Variants in FLOT1 observed in about 807,000 individuals in gnomAD.
The protein encoded by FLOT1 is flotillin 1.
Under a neutral mutation model 58.4 loss-of-function variants are expected in FLOT1, and 40 were observed. The observed-to-expected ratio is 0.69, with a 90% CI of 0.53 to 0.89. FLOT1 has a LOEUF of 0.89. Among genes scored for constraint, FLOT1 ranks in the 40% least tolerant of loss-of-function variants. The pLI, the probability that FLOT1 is intolerant of heterozygous loss-of-function variation, is 0.00. For missense variants in FLOT1, 423 were observed against 540.8 expected (o/e 0.78, Z 2.16); for synonymous variants, 178 against 204.2 (o/e 0.87, Z 1.09).
chr6:30,738,626 T>C (rs796945736), intron 8 of FLOT1, among the ~76,000 whole-genome samples: 5 of 152,320 alleles, frequency 3.3e-5, no homozygotes, highest in African/African-American at 1.2e-4. Flanking sequence ...AGACACCTTA[T>C]GTAAAATATA....
rs1018946071 is a variant in FLOT1 at position 30,741,036 on chromosome 6, C to A, written c.354+154G>T. ...TCCTGACCTCAAGTGATCTGCCCACCTTGGCATCCCAAAGTGCTGGGATTA... is the reference window on the plus strand; with the variant it reads ...TCCTGACCTCAAGTGATCTGCCCACATTGGCATCCCAAAGTGCTGGGATTA... On this transcript the variant is annotated intron_variant, in intron 5 of 12. Coordinates refer to ENST00000376389, the MANE Select transcript of FLOT1 (RefSeq NM_005803.4). The surrounding 1 kb of genome is among the most constrained non-coding windows in gnomAD (Gnocchi z 5.9). Among the ~76,000 whole-genome samples, 1 of 152,166 alleles carries A rather than the reference C, an allele frequency of 6.6e-6. No homozygotes were observed. Among genetic ancestry groups the A allele is most frequent in the Admixed American group, 6.5e-5 (1 of 15,274 alleles).
In FLOT1 at chr6:30,731,016, G is replaced by C. The variant is rs1008277684; in HGVS notation, c.808C>G (p.Gln270Glu). ...TCCTTCTCCCGCCGGGCGATCTCCT[G>C]CTCCTGCACTGCCACCTGCTGGGCC... ...ERAQQVAVQE[Q>E]EIARREKELE... Residue 270 changes from glutamine (Q) to glutamate (E), a missense_variant, in exon 9 of 13, where the codon CAG becomes GAG. Gln to Glu is a conservative substitution (Grantham distance 29). Coordinates refer to ENST00000376389, the MANE Select transcript of FLOT1 (RefSeq NM_005803.4). The C allele has an allele frequency of 2.5e-6, 4 of 1,613,144 alleles. No individual in the cohort carries two copies. In the Admixed American group the frequency reaches 6.7e-5, roughly 27 times the overall value.
In FLOT1 at chr6:30,730,122, C is replaced by A. The variant is rs1458942508; in HGVS notation, c.1154G>T (p.Ser385Ile). 5.0e-6 allele frequency: 8 copies of A among 1,613,000 alleles called. No individual in the cohort carries two copies. The highest frequency in any genetic ancestry group is 6.8e-6 in the Non-Finnish European group (8 of 1,180,040). ...CACTTTGGCTGCCCCCATGGTCCCACTGCCGCTGGACACCAGTGTGATCTT... is the reference window on the plus strand; with the variant it reads ...CACTTTGGCTGCCCCCATGGTCCCAATGCCGCTGGACACCAGTGTGATCTT... ...ANKITLVSSG[S>I]GTMGAAKVTG... Residue 385 changes from serine (S) to isoleucine (I), a missense_variant, in exon 12 of 13, where the codon AGT becomes ATT. This residue lies in a region of FLOT1 where 42 missense variants were observed against 74.4 expected (regional missense o/e 0.56). Transcript: ENST00000376389.
chr6:30,729,429 A>G (rs1361299125), intron 12 of FLOT1, among the ~76,000 whole-genome samples: 3 of 152,160 alleles, frequency 2.0e-5, no homozygotes, highest in African/African-American at 7.2e-5. Flanking sequence ...GCACTATTCT[A>G]AACACTGCAA....
intron 8 of FLOT1, among the ~76,000 whole-genome samples, chr6:30,732,911 C>A (rs1050026164): frequency 4.6e-5 from 7 of 152,162 alleles, no homozygotes; most frequent in Non-Finnish European, 7.3e-5. Context: ...CTTAGGCAAC[C>A]ATTTGTCTGT....
In FLOT1 at chr6:30,742,225, C is replaced by G. The variant is rs1333444463; in HGVS notation, c.-14-22G>C. 1.2e-6 allele frequency: 2 copies of G among 1,610,916 alleles called. No homozygotes were observed. Among genetic ancestry groups the G allele is most frequent in the East Asian group, 4.5e-5 (2 of 44,886 alleles). On this transcript the variant is annotated intron_variant, in intron 1 of 12. Coordinates refer to ENST00000376389, the MANE Select transcript of FLOT1 (RefSeq NM_005803.4). This position sits in a 1 kb window ranked among gnomAD's most constrained non-coding sequence, Gnocchi z 5.2. ...GGAGCTGGAGGAGAGGGAGGGAAAG[C>G]CTTTGCGGATGGGGAAGGCGCGCTG...
Position 30,740,538 on chromosome 6 carries a change from T to G in FLOT1, c.528A>C (p.Ala176=), listed in dbSNP as rs1309810022. The G allele has an allele frequency of 6.2e-7, 1 of 1,613,046 alleles. No homozygotes were observed. Among genetic ancestry groups the G allele is most frequent in the East Asian group, 2.2e-5 (1 of 44,878 alleles). The part of the protein sequence containing the change: ...KARTAQVQKD[A]RIGEAEAKRD... ...TCTTGGCCTCTGCTTCTCCAATCCG[T>G]GCATCTTTTTGGACTTGAGCTGTTC... The change falls in exon 7 of 13, where the codon GCA becomes GCC. Residue 176 remains alanine (A), a synonymous_variant. Transcript: ENST00000376389.
rs1185722290 is a variant in FLOT1, at chr6:30,727,953, C to G, written c.*163G>C. On this transcript the variant is annotated 3_prime_UTR_variant, in exon 13 of 13. Transcript: ENST00000376389. The stretch of plus-strand genomic sequence containing the variant: ...AGCAGTGTGAGGTTGGCAAGGGGAG[C>G]AACCCCCTTCAAGACAAGGCACAAA... 1 of 707,844 alleles carries G rather than the reference C, an allele frequency of 1.4e-6. No individual in the cohort carries two copies. Among genetic ancestry groups the G allele is most frequent in the Non-Finnish European group, 2.5e-6 (1 of 393,248 alleles). 43.8% of individuals were successfully genotyped at this position (707,844 alleles called of 1,614,324 possible). A position where few individuals can be genotyped will look rare whatever the true frequency, so the allele number is the denominator to read the frequency against.
rs907493998 is a variant in FLOT1, at chr6:30,737,226, GTCCGTCCGTCCGTCCGTCCGTCCA to G, written c.723+2908_723+2931del. On this transcript the variant is annotated intron_variant, in intron 8 of 12. Coordinates refer to ENST00000376389, the MANE Select transcript of FLOT1 (RefSeq NM_005803.4). The surrounding 1 kb of genome is among the most constrained non-coding windows in gnomAD (Gnocchi z 4.4). ...CTGTCTGTCGTCCGTCCGTCCGTCC[GTCCGTCCGTCCGTCCGTCCGTCCA>G]TCCGTCCATCCATCCATCCATATAT... 7.2e-6 allele frequency among the ~76,000 whole-genome samples: 1 copy of G among 139,716 alleles called. No homozygotes were observed. The highest frequency in any genetic ancestry group is 1.5e-5 in the Non-Finnish European group (1 of 65,190). 91.7% of individuals were successfully genotyped at this position (139,716 alleles called of 152,430 possible). A position where few individuals can be genotyped will look rare whatever the true frequency, so the allele number is the denominator to read the frequency against.
chr6:30,733,215 T>C (rs760910031), intron 8 of FLOT1, among the ~76,000 whole-genome samples: 38 of 152,016 alleles, frequency 2.5e-4, no homozygotes, highest in Non-Finnish European at 4.9e-4. Context: ...TTTGTGTTTT[T>C]AATAGAGATG....
chr6:30,740,632 A>T, intron 6 of FLOT1, 41 bp from the exon 7 acceptor site: 1 of 1,612,984 alleles, frequency 6.2e-7, no homozygotes, highest in Non-Finnish European at 8.5e-7. Flanking sequence ...GGAGGGCTTA[A>T]GAGATGGGAG....
chr6:30,738,771 A>C (rs74699059), intron 8 of FLOT1, among the ~76,000 whole-genome samples: 11,323 of 152,262 alleles, frequency 0.074, 683 homozygotes, highest in African/African-American at 0.16. Flanking sequence ...AGACAGCACT[A>C]CAGCACTGAT....
Position 30,728,101 on chromosome 6 carries a change from G to T in FLOT1, c.*15C>A. 2 of 1,612,518 alleles carry T rather than the reference G, an allele frequency of 1.2e-6. No individual in the cohort carries two copies. Among genetic ancestry groups the T allele is most frequent in the Non-Finnish European group, 1.7e-6 (2 of 1,179,504 alleles). On this transcript the variant is annotated 3_prime_UTR_variant, in exon 13 of 13. Coordinates refer to ENST00000376389, the MANE Select transcript of FLOT1 (RefSeq NM_005803.4). ...ACTTCAGCTATGAGGCTGGGCATCTGTGAGGGCTGAAGGCTCAGGCTGTTC... is the reference window on the plus strand; with the variant it reads ...ACTTCAGCTATGAGGCTGGGCATCTTTGAGGGCTGAAGGCTCAGGCTGTTC...
At chr6:30,734,128 C>G (rs980853136) in intron 8 of FLOT1, among the ~76,000 whole-genome samples, 1 of 146,758 alleles carries the variant, frequency 6.8e-6, no homozygotes, top group African/African-American at 2.5e-5. Context: ...TCTCTAGAAG[C>G]TTTCATATTT....
chr6:30,740,834 G>GTTTTTTTTTTTT (rs34375360), intron 5 of FLOT1, 36 bp from the exon 6 acceptor site: 11 of 1,314,530 alleles, frequency 8.4e-6, no homozygotes, highest in South Asian at 1.6e-5. Context: ...AGGGATGTAA[G>GTTTTTTTTTTTT]TTTTTTTTTT....
At chr6:30,739,642 A>G (rs1167489760) in intron 8 of FLOT1, among the ~76,000 whole-genome samples, 5 of 151,696 alleles carry the variant, frequency 3.3e-5, no homozygotes, top group African/African-American at 4.9e-5. Flanking sequence ...TGCTGGGATT[A>G]CAGGCATGAG....
chr6:30,741,510 C>T lies in FLOT1; in HGVS notation c.210+104G>A. On this transcript the variant is annotated intron_variant, in intron 4 of 12. Coordinates refer to ENST00000376389, the MANE Select transcript of FLOT1 (RefSeq NM_005803.4). This position sits in a 1 kb window ranked among gnomAD's most constrained non-coding sequence, Gnocchi z 5.9. ...AGATGAGACTAGCAGAGGAACTTCT[C>T]TGCAGGCAAGGGTTGAGAAGACTGT... The T allele has an allele frequency of 7.9e-7, 1 of 1,267,578 alleles. No individual in the cohort carries two copies. The highest frequency in any genetic ancestry group is 1.1e-6 in the Non-Finnish European group (1 of 877,084). The allele number at this position is 1,267,578 out of a possible 1,614,324, so 78.5% of individuals were successfully genotyped here. A position where few individuals can be genotyped will look rare whatever the true frequency, so the allele number is the denominator to read the frequency against.
At chr6:30,730,870 G>GTGCC in intron 9 of FLOT1, 49 bp downstream of exon 9, 1 of 1,599,164 alleles carries the variant, frequency 6.3e-7, no homozygotes, top group East Asian at 2.2e-5. Flanking sequence ...CCATCTTGGG[G>GTGCC]TGCCTAGGTG....
rs1428841912 is a variant in FLOT1 at position 30,730,436 on chromosome 6, G to A, written c.1081C>T (p.Leu361=). ...AAQLDMLLEK[L]PQVAEEISGP... ...CCACATGACCTCCAGACCTGGGGCA[G>A]CTTCTCTAGCAGCATGTCCAGCTGA... is the stretch of plus-strand genomic sequence containing the variant. Residue 361 remains leucine, a synonymous_variant, in exon 11 of 13, where the codon CTG becomes TTG. Coordinates refer to ENST00000376389, the MANE Select transcript of FLOT1 (RefSeq NM_005803.4). 6.4e-7 allele frequency: 1 copy of A among 1,569,124 alleles called. No individual in the cohort carries two copies. The highest frequency in any genetic ancestry group is 2.3e-5 in the East Asian group (1 of 44,352).
Sources: allele counts gnomAD v4.1 joint callset (sites outside exome capture counted in the v4.1 genomes callset), GRCh38; gene constraint gnomAD v4.1.1; regional missense constraint gnomAD v4.1.1; non-coding constraint Gnocchi (gnomAD v3.1); transcripts MANE v1.5; gene names NCBI Gene and HGNC (gene_info 2026-07-23, HGNC 2026-07-21).